The following B3GALT1 variants were observed in gnomAD, a reference collection of about 807,000 sequenced individuals.
B3GALT1 encodes beta-1,3-galactosyltransferase 1.
Under a neutral mutation model 23.2 loss-of-function variants are expected in B3GALT1, and 10 were observed. The observed-to-expected ratio is 0.43, with a 90% confidence interval of 0.27 to 0.73. The LOEUF (loss-of-function observed/expected upper bound fraction) is 0.73, where lower values mean the gene tolerates loss of function less well. Among genes scored for constraint, B3GALT1 ranks in the 30% least tolerant of loss-of-function variants. B3GALT1 has a pLI of 0.21. For synonymous variants in B3GALT1, 156 were observed against 141.5 expected, an observed-to-expected ratio of 1.10 and a Z score of -0.73; for missense variants, 299 against 405.4, an observed-to-expected ratio of 0.74 and a Z score of 2.25.
intron 3 of B3GALT1, among the ~76,000 whole-genome samples, chr2:167,676,452 A>G (rs1241887164): frequency 1.3e-5 from 2 of 149,112 alleles, no homozygotes; most frequent in African/African-American, 2.5e-5. Context: ...ATTTTTATCA[A>G]CTCTTCCCAT....
rs147255624 is a variant in B3GALT1, at chr2:167,727,731, G to T, written c.-352+80765G>T. Among the ~76,000 whole-genome samples, 4 of 152,022 alleles carry T rather than the reference G, an allele frequency of 2.6e-5. No individual in the cohort carries two copies. The South Asian group carries it at 8.3e-4, about 32-fold the overall frequency. On this transcript the variant is annotated intron_variant, in intron 3 of 4. Coordinates refer to ENST00000392690, the MANE Select transcript of B3GALT1 (RefSeq NM_020981.4). ...CTCTCCTTGTTTTTCCTCATAACAG[G>T]CTCTTTATCAAGACATCTTTCTTAC...
chr2:167,792,246 G>A (rs917100872), intron 3 of B3GALT1, among the ~76,000 whole-genome samples: 17 of 152,116 alleles, frequency 1.1e-4, no homozygotes, highest in African/African-American at 3.6e-4. Flanking sequence ...CCTTTGCCCT[G>A]TAGACATCTC....
intron 1 of B3GALT1, among the ~76,000 whole-genome samples, chr2:167,339,150 A>G (rs1229423807): frequency 6.6e-6 from 1 of 152,190 alleles, no homozygotes; most frequent in Non-Finnish European, 1.5e-5. Flanking sequence ...GAAGAAACTC[A>G]CATAAGGATG....
intron 3 of B3GALT1, among the ~76,000 whole-genome samples, chr2:167,665,969 C>A (rs1686174168): frequency 6.6e-6 from 1 of 152,038 alleles, no homozygotes; most frequent in African/African-American, 2.4e-5. Context: ...TCCTTCAGTT[C>A]TGCTCTGATT....
At chr2:167,854,379 A>G (rs1489289655) in intron 4 of B3GALT1, among the ~76,000 whole-genome samples, 2 of 152,192 alleles carry the variant, frequency 1.3e-5, no homozygotes, top group African/African-American at 4.8e-5. Context: ...ACCAGCCAGA[A>G]CAACATGGCC....
intron 1 of B3GALT1, among the ~76,000 whole-genome samples, chr2:167,330,638 T>C (rs895158162): frequency 6.6e-6 from 1 of 152,140 alleles, no homozygotes; most frequent in Non-Finnish European, 1.5e-5. Flanking sequence ...AATACAGATA[T>C]GTTTTGTATT....
chr2:167,344,409 A>G (rs1209780300), intron 1 of B3GALT1, among the ~76,000 whole-genome samples: 1 of 152,144 alleles, frequency 6.6e-6, no homozygotes, highest in Non-Finnish European at 1.5e-5. Flanking sequence ...TGAGCTCATA[A>G]TCAACATTTT....
intron 1 of B3GALT1, among the ~76,000 whole-genome samples, chr2:167,431,640 TG>T (rs963264782): frequency 6.6e-6 from 1 of 152,174 alleles, no homozygotes; most frequent in Non-Finnish European, 1.5e-5. Context: ...AATATAAAAT[TG>T]TCCACATTCT....
At chr2:167,770,720 A>G (rs1465780607) in intron 3 of B3GALT1, among the ~76,000 whole-genome samples, 1 of 152,068 alleles carries the variant, frequency 6.6e-6, no homozygotes, top group Non-Finnish European at 1.5e-5. Flanking sequence ...ATTTTTTCTT[A>G]TATTTTCCTC....
intron 1 of B3GALT1, among the ~76,000 whole-genome samples, chr2:167,459,719 A>G (rs1337115336): frequency 2.0e-5 from 3 of 152,164 alleles, no homozygotes; most frequent in Non-Finnish European, 2.9e-5. Flanking sequence ...TATGGCTTCA[A>G]GTTACTGTCT....
intron 1 of B3GALT1, among the ~76,000 whole-genome samples, chr2:167,474,642 A>G (rs140046784): frequency 9.6e-4 from 146 of 152,270 alleles, no homozygotes; most frequent in Non-Finnish European, 1.6e-3. Context: ...TTCAGGCCCT[A>G]TAAAACCTGA....
intron 1 of B3GALT1, among the ~76,000 whole-genome samples, chr2:167,390,129 G>T (rs1160870810): frequency 6.6e-6 from 1 of 152,064 alleles, no homozygotes; most frequent in Non-Finnish European, 1.5e-5. Context: ...GCACTCTATT[G>T]ATAGCTTCCA....
intron 1 of B3GALT1, among the ~76,000 whole-genome samples, chr2:167,412,697 T>C (rs930877539): frequency 1.3e-5 from 2 of 152,096 alleles, no homozygotes; most frequent in Admixed American, 6.5e-5. Context: ...AAGTTGAACA[T>C]ATTGTATATT....
chr2:167,771,371 C>T (rs1688069977), intron 3 of B3GALT1, among the ~76,000 whole-genome samples: 1 of 152,158 alleles, frequency 6.6e-6, no homozygotes, highest in African/African-American at 2.4e-5. Context: ...GGGCAGCTCA[C>T]TTGAGGTCAA....
intron 1 of B3GALT1, among the ~76,000 whole-genome samples, chr2:167,377,802 G>A (rs1168413059): frequency 6.6e-6 from 1 of 152,112 alleles, no homozygotes; most frequent in Non-Finnish European, 1.5e-5. Flanking sequence ...TTTTAAGTGA[G>A]ACATTTAGGT....
chr2:167,665,395 G>A (rs1211425882), intron 3 of B3GALT1, among the ~76,000 whole-genome samples: 1 of 144,964 alleles, frequency 6.9e-6, no homozygotes, highest in Non-Finnish European at 1.5e-5. Flanking sequence ...TTGCATCAAT[G>A]TTCATCAAGG....
chr2:167,404,744 G>A (rs1698247636), intron 1 of B3GALT1, among the ~76,000 whole-genome samples: 1 of 152,078 alleles, frequency 6.6e-6, no homozygotes, highest in Non-Finnish European at 1.5e-5. Context: ...CAAATGCTTT[G>A]GTAATTTGTA....
At chr2:167,364,380 T>C (rs1697553319) in intron 1 of B3GALT1, among the ~76,000 whole-genome samples, 1 of 151,664 alleles carries the variant, frequency 6.6e-6, no homozygotes, top group African/African-American at 2.4e-5. Flanking sequence ...AGTTCTAGGG[T>C]ACATGTGCAC....
intron 1 of B3GALT1, among the ~76,000 whole-genome samples, chr2:167,363,676 CA>C (rs1697535293): frequency 6.6e-6 from 1 of 152,146 alleles, no homozygotes; most frequent in African/African-American, 2.4e-5. Context: ...CTCTTGAAAC[CA>C]TTTCCTCCAC....
Sources: gnomAD v4.1 joint callset for allele counts (sites outside exome capture counted in the v4.1 genomes callset) on GRCh38, gnomAD v4.1.1 for gene constraint, MANE v1.5 for transcripts, NCBI Gene and HGNC (gene_info 2026-07-23, HGNC 2026-07-21) for gene names.